Variants in SORCS1 observed in about 807,000 individuals in gnomAD.
SORCS1 encodes the protein sortilin related VPS10 domain containing receptor 1.
Under a neutral mutation model 146.1 loss-of-function variants are expected in SORCS1, and 60 were observed. That is an observed-to-expected ratio of 0.41 (90% CI 0.33 to 0.51). SORCS1 has a LOEUF of 0.51. Among genes scored for constraint, SORCS1 ranks in the 20% least tolerant of loss-of-function variants. SORCS1 has a pLI of 0.21. For missense variants in SORCS1, 1,352 were observed against 1,487.6 expected (o/e 0.91, Z 1.50); for synonymous variants, 637 against 584.0 (o/e 1.09, Z -1.31).
intron 1 of SORCS1, among the ~76,000 whole-genome samples, chr10:107,141,897 T>C (rs1211956062): frequency 6.6e-6 from 1 of 152,210 alleles, no homozygotes; most frequent in African/African-American, 2.4e-5. Context: ...AACACCAGCA[T>C]TCACCTTCTT....
chr10:107,076,549 A>G (rs759683780), intron 1 of SORCS1, among the ~76,000 whole-genome samples: 2 of 152,160 alleles, frequency 1.3e-5, no homozygotes, highest in Non-Finnish European at 2.9e-5. Context: ...CATCCAACAA[A>G]CATTTCCTAG....
At chr10:106,809,427 G>A (rs113812617) in intron 3 of SORCS1, among the ~76,000 whole-genome samples, 2,594 of 152,004 alleles carry the variant, frequency 0.017, 26 homozygotes, top group Non-Finnish European at 0.023. Flanking sequence ...TCCCAGGAAG[G>A]CTCTCTCATC....
rs1441215943 is a variant in SORCS1, at chr10:106,955,848, C to T, written c.626+665G>A. 2.6e-5 allele frequency among the ~76,000 whole-genome samples: 4 copies of T among 152,110 alleles called. No homozygotes were observed. The East Asian group carries it at 5.8e-4, about 22-fold the overall frequency. The stretch of plus-strand genomic sequence containing the variant: ...TCTACCAAATATACAAAAAAATTAG[C>T]CAGGCGTGGTGGCGCATGCCTGTAA... On this transcript the variant is annotated intron_variant, in intron 2 of 25. Transcript: ENST00000263054.
chr10:106,707,563 C>T (rs1258343471), intron 7 of SORCS1, among the ~76,000 whole-genome samples: 1 of 152,158 alleles, frequency 6.6e-6, no homozygotes, highest in Admixed American at 6.5e-5. Context: ...TGCAGTGGCA[C>T]AATCATAGCT....
At chr10:106,918,836 GTAT>G in intron 2 of SORCS1, among the ~76,000 whole-genome samples, 1 of 151,130 alleles carries the variant, frequency 6.6e-6, no homozygotes, top group South Asian at 2.1e-4. Flanking sequence ...ATTGTATAGT[GTAT>G]TATATTTTTT....
intron 22 of SORCS1, among the ~76,000 whole-genome samples, chr10:106,607,642 AAGT>A (rs1846698886): frequency 6.6e-6 from 1 of 152,166 alleles, no homozygotes; most frequent in African/African-American, 2.4e-5. Context: ...GTTACACATG[AAGT>A]ATTTACAGTA....
chr10:106,609,822 G>C (rs1846854792), intron 22 of SORCS1, among the ~76,000 whole-genome samples: 1 of 152,218 alleles, frequency 6.6e-6, no homozygotes, highest in South Asian at 2.1e-4. Context: ...AGTGTGAAGA[G>C]AAATCAGCCT....
intron 4 of SORCS1, among the ~76,000 whole-genome samples, chr10:106,762,079 A>G (rs1436703122): frequency 2.0e-5 from 3 of 152,234 alleles, no homozygotes; most frequent in Admixed American, 6.5e-5. Context: ...AACCTGGCTC[A>G]CATAATGAGA....
At chr10:107,105,946 C>T (rs1965274953) in intron 1 of SORCS1, among the ~76,000 whole-genome samples, 1 of 152,052 alleles carries the variant, frequency 6.6e-6, no homozygotes, top group African/African-American at 2.4e-5. Context: ...GGCTGAAGCA[C>T]CACATGAGAA....
At chr10:107,108,338 G>A (rs1277184599) in intron 1 of SORCS1, among the ~76,000 whole-genome samples, 1 of 152,176 alleles carries the variant, frequency 6.6e-6, no homozygotes, top group Admixed American at 6.5e-5. Flanking sequence ...CAGAAAGCAT[G>A]GTGCTGGCAT....
chr10:107,171,318 A>G, the SORCS1 span, among the ~76,000 whole-genome samples: 1 of 152,196 alleles, frequency 6.6e-6, no homozygotes, highest in African/African-American at 2.4e-5. Flanking sequence ...AATTGAAAGG[A>G]TGGGATAAAC....
At chr10:106,594,656 A>G (rs1784309523) in intron 24 of SORCS1, among the ~76,000 whole-genome samples, 1 of 152,222 alleles carries the variant, frequency 6.6e-6, no homozygotes, top group Admixed American at 6.5e-5. Context: ...TGTTCAACAG[A>G]GCAAGGTCTC....
At chr10:107,149,169 C>T (rs377157326) in intron 1 of SORCS1, among the ~76,000 whole-genome samples, 5 of 152,318 alleles carry the variant, frequency 3.3e-5, no homozygotes, top group Middle Eastern at 3.4e-3. Flanking sequence ...CATACATTTC[C>T]GCCCCAGTTT....
intron 7 of SORCS1, among the ~76,000 whole-genome samples, chr10:106,708,268 G>A (rs191697927): frequency 6.7e-6 from 1 of 149,894 alleles, no homozygotes. Flanking sequence ...GTGTGTGTGT[G>A]TATGTGTGTG....
At chr10:106,587,526 T>C (rs995742400) in intron 24 of SORCS1, among the ~76,000 whole-genome samples, 1 of 152,260 alleles carries the variant, frequency 6.6e-6, no homozygotes, top group Non-Finnish European at 1.5e-5. Context: ...GAATTCATGA[T>C]GTATCACGAC....
intron 1 of SORCS1, among the ~76,000 whole-genome samples, chr10:107,093,652 C>T (rs1204805228): frequency 6.7e-6 from 1 of 150,224 alleles, no homozygotes; most frequent in East Asian, 1.9e-4. Context: ...TGGCATCCAG[C>T]CTGGCGACAG....
chr10:106,936,913 G>T (rs933950359), intron 2 of SORCS1, among the ~76,000 whole-genome samples: 1 of 152,296 alleles, frequency 6.6e-6, no homozygotes, highest in African/African-American at 2.4e-5. Flanking sequence ...ATAAACTTAT[G>T]CTGTGGTTAA....
At chr10:106,916,418 G>A (rs1011807145) in intron 2 of SORCS1, among the ~76,000 whole-genome samples, 1 of 150,134 alleles carries the variant, frequency 6.7e-6, no homozygotes, top group African/African-American at 2.4e-5. Flanking sequence ...ATGTGTGTGT[G>A]GGGGTATACA....
At chr10:106,938,555 G>A (rs913131089) in intron 2 of SORCS1, among the ~76,000 whole-genome samples, 11 of 152,214 alleles carry the variant, frequency 7.2e-5, no homozygotes, top group African/African-American at 2.2e-4. Context: ...CCAGACAGTA[G>A]CTGATCTCAC....
Sources: gnomAD v4.1 joint callset for allele counts (sites outside exome capture counted in the v4.1 genomes callset) on GRCh38, gnomAD v4.1.1 for gene constraint, MANE v1.5 for transcripts, NCBI Gene and HGNC (gene_info 2026-07-23, HGNC 2026-07-21) for gene names.